Variants in CDHR2 observed in about 807,000 individuals in gnomAD.
CDHR2 encodes the protein cadherin related family member 2.
A neutral mutation model predicts 138.6 loss-of-function variants in CDHR2; 104 were observed. The ratio of observed to expected loss-of-function variants is 0.75; its 90% confidence interval spans 0.64 to 0.88. The LOEUF is 0.88. CDHR2 is among the 40% of genes least tolerant of loss of function. CDHR2 has a pLI of 0.00. For missense variants in CDHR2, 1,624 were observed against 1,727.6 expected (o/e 0.94, Z 1.06); for synonymous variants, 755 against 742.8 (o/e 1.02, Z -0.27).
chr5:176,586,679 G>T, intron 20 of CDHR2, 114 bp from the exon 21 acceptor site: 3 of 886,358 alleles, frequency 3.4e-6, no homozygotes, highest in Non-Finnish European at 3.6e-6. Context: ...TCTTTTGGTA[G>T]AGAGGTTGAG....
chr5:176,592,434 GTGA>G (rs1291270552), intron 30 of CDHR2, among the ~76,000 whole-genome samples: 2 of 135,084 alleles, frequency 1.5e-5, no homozygotes, highest in South Asian at 2.3e-4. Context: ...GGTGATGGTG[GTGA>G]TGATGGATGA....
At chr5:176,588,987 C>G (rs1213675351) in intron 21 of CDHR2, 44 bp from the exon 22 acceptor site, 3 of 1,604,018 alleles carry the variant, frequency 1.9e-6, no homozygotes, top group Non-Finnish European at 2.6e-6. Context: ...GGAGGGATGC[C>G]TGGCCTGGCT....
upstream of CDHR2, chr5:176,547,584 G>A (rs1307152239): frequency 1.3e-5 from 2 of 152,072 alleles, no homozygotes; most frequent in Non-Finnish European, 2.9e-5. Flanking sequence ...CTGCTCCTTG[G>A]GGTTCACCAT....
Position 176,584,920 on chromosome 5 carries a change from A to G in CDHR2, c.2639A>G (p.Lys880Arg). The G allele has an allele frequency of 6.2e-7, 1 of 1,608,842 alleles. No individual in the cohort carries two copies. Among genetic ancestry groups the G allele is most frequent in the Non-Finnish European group, 8.5e-7 (1 of 1,177,518 alleles). Residue 880 changes from lysine (K) to arginine (R), a missense_variant, in exon 19 of 32, where the codon AAA becomes AGA. By Grantham distance (26) the Lys-to-Arg change is conservative (BLOSUM62 2). Coordinates refer to ENST00000261944, the MANE Select transcript of CDHR2 (RefSeq NM_017675.6). ...GGCTCTGTGTACATCAACCAGAGCA[A>G]AGCCATCGACTACGAGGCCTGTGAC... ...ANGSVYINQS[K>R]AIDYEACDLV... is the part of the protein sequence containing the mutation.
intron 5 of CDHR2, 126 bp from the exon 6 acceptor site, chr5:176,571,087 A>T: frequency 5.9e-6 from 2 of 341,502 alleles, no homozygotes; most frequent in East Asian, 6.1e-5. Context: ...AAACATATGG[A>T]GAGAAAGAGA....
intron 28 of CDHR2, 49 bp from the exon 29 acceptor site, chr5:176,591,161 C>A: frequency 1.5e-6 from 2 of 1,309,606 alleles, no homozygotes; most frequent in Non-Finnish European, 1.1e-6. Flanking sequence ...CCACTGGGGA[C>A]ACAACAGGTG....
At chr5:176,574,575 C>T (rs1276074178) in intron 7 of CDHR2, among the ~76,000 whole-genome samples, 1 of 152,184 alleles carries the variant, frequency 6.6e-6, no homozygotes, top group Non-Finnish European at 1.5e-5. Flanking sequence ...TCCCTGAGGA[C>T]ACCAAAATCC....
chr5:176,575,712 TCTCCTTGCCAGA>T lies in CDHR2; in HGVS notation c.845-7_849del. ...GCAGCTGTTCCAGCTGTTCCGCCTT[TCTCCTTGCCAGA>T]CTCCACGCGGCCCGGCTGGTTTGAC... is the stretch of plus-strand genomic sequence containing the variant. On this transcript the variant is annotated splice_acceptor_variant and splice_polypyrimidine_tract_variant and coding_sequence_variant and intron_variant, in exon 11 of 32. Transcript: ENST00000261944. LOFTEE classifies it high-confidence loss of function. The T allele has an allele frequency of 6.3e-7, 1 of 1,587,876 alleles. No individual in the cohort carries two copies. Among genetic ancestry groups the T allele is most frequent in the Non-Finnish European group, 8.6e-7 (1 of 1,167,068 alleles).
intron 1 of CDHR2, among the ~76,000 whole-genome samples, chr5:176,560,919 C>T (rs1757951292): frequency 6.6e-6 from 1 of 152,142 alleles, no homozygotes; most frequent in African/African-American, 2.4e-5. Context: ...GGCTTCAGGG[C>T]GGGGTGCTGA....
chr5:176,556,613 C>G (rs368067530), intron 1 of CDHR2: 1 of 152,240 alleles, frequency 6.6e-6, no homozygotes, highest in East Asian at 1.9e-4. Context: ...TGCAGTGAGC[C>G]GATATCCTGC....
chr5:176,555,173 A>G (rs1458811602), intron 1 of CDHR2, among the ~76,000 whole-genome samples: 5 of 152,210 alleles, frequency 3.3e-5, no homozygotes, highest in Non-Finnish European at 2.9e-5. Context: ...ACGGTCAACA[A>G]CTTTCTGCAA....
At chr5:176,592,837 G>A (rs1358901493) in intron 31 of CDHR2, 57 bp downstream of exon 31, 2 of 1,472,200 alleles carry the variant, frequency 1.4e-6, no homozygotes, top group Non-Finnish European at 1.9e-6. Flanking sequence ...TTCTGTGGAG[G>A]CTTCAGGGCA....
intron 12 of CDHR2, 105 bp from the exon 13 acceptor site, chr5:176,577,294 A>T: frequency 1.6e-6 from 2 of 1,237,730 alleles, no homozygotes; most frequent in Non-Finnish European, 2.2e-6. Flanking sequence ...CTTCCATGGG[A>T]CCTCATCGGG....
chr5:176,568,728 AC>A lies in CDHR2; in HGVS notation c.177del (p.Tyr60MetfsTer3). On this transcript the variant is annotated frameshift_variant, in exon 4 of 32. Coordinates refer to ENST00000261944, the MANE Select transcript of CDHR2 (RefSeq NM_017675.6). LOFTEE classifies it high-confidence loss of function. ...GGAAGACCAGGACAATGACCCTCTG[AC>A]CTATGGGATGAGCGGCCCCAATGCC... ...VAEDQDNDPL[T>X]YGMSGPNAYF... The A allele has an allele frequency of 6.2e-7, 1 of 1,614,172 alleles. No homozygotes were observed. The highest frequency in any genetic ancestry group is 8.5e-7 in the Non-Finnish European group (1 of 1,180,026).
At chr5:176,591,956 T>C (rs897765930) in intron 30 of CDHR2, among the ~76,000 whole-genome samples, 5 of 72,366 alleles carry the variant, frequency 6.9e-5, no homozygotes, top group South Asian at 6.9e-4. Flanking sequence ...ATGGTGATGA[T>C]GACGGTGGTG....
At chr5:176,547,993 C>G (rs1757621797), upstream of CDHR2, among the ~76,000 whole-genome samples, 1 of 152,192 alleles carries the variant, frequency 6.6e-6, no homozygotes, top group South Asian at 2.1e-4. Context: ...GAACATCACA[C>G]AGTGACTTAC....
rs114105523 is a variant in CDHR2, at chr5:176,570,473, G to A, written c.316-740G>A. Among the ~76,000 whole-genome samples, 735 of 152,298 alleles carry A rather than the reference G, an allele frequency of 4.8e-3. 7 individuals carry two copies. The highest frequency in any genetic ancestry group is 0.017 in the African/African-American group (693 of 41,564). On this transcript the variant is annotated intron_variant, in intron 5 of 31. Coordinates refer to ENST00000261944, the MANE Select transcript of CDHR2 (RefSeq NM_017675.6). ...CAATCCTCTTAACTCAGCCTCCAGC[G>A]TAGCTGGGACTACAGGCGCTCACCA... is the stretch of plus-strand genomic sequence containing the variant.
chr5:176,554,877 C>T (rs1269746262), intron 1 of CDHR2, among the ~76,000 whole-genome samples: 4 of 152,226 alleles, frequency 2.6e-5, no homozygotes, highest in Admixed American at 1.3e-4. Context: ...TGGTCTTGAA[C>T]TCCTGACCTC....
Position 176,578,433 on chromosome 5 carries a change from G to C in CDHR2, c.1643G>C (p.Arg548Pro), listed in dbSNP as rs775512595. The change falls in exon 16 of 32, where the codon CGG (arginine) becomes CCG (proline). Residue 548 changes from arginine (R) to proline (P), a missense_variant. Around this residue, in one of 3 missense-constraint regions of CDHR2, gnomAD observed 1,061 missense variants for 1,136.6 expected, o/e 0.93. Transcript: ENST00000261944. Reference protein sequence around the residue: ...VTVRNGELLDRESQAVYYLTL... With the variant: ...VTVRNGELLDPESQAVYYLTL... ...GTGAGGAACGGTGAGCTGCTGGACC[G>C]GGAGAGCCAGGCCGTGTACTACCTG... 2.5e-6 allele frequency: 4 copies of C among 1,614,026 alleles called. No individual in the cohort carries two copies. Among genetic ancestry groups the C allele is most frequent in the Non-Finnish European group, 3.4e-6 (4 of 1,179,996 alleles).
Sources: allele counts gnomAD v4.1 joint callset (sites outside exome capture counted in the v4.1 genomes callset), GRCh38; gene constraint gnomAD v4.1.1; regional missense constraint gnomAD v4.1.1; transcripts MANE v1.5; gene names NCBI Gene and HGNC (gene_info 2026-07-23, HGNC 2026-07-21).